The following APP variants were observed in gnomAD, a reference collection of about 807,000 sequenced individuals.
APP encodes amyloid beta precursor protein, also known as amyloid-beta precursor protein.
In APP, 31 loss-of-function variants were observed where a neutral mutation model predicts 101.4. The observed-to-expected ratio is 0.31, with a 90% CI of 0.23 to 0.41. APP has a LOEUF of 0.41. Among genes scored for constraint, APP ranks in the 10% least tolerant of loss-of-function variants. APP has a pLI of 1.00. For synonymous variants in APP, 366 were observed against 364.4 expected, an observed-to-expected ratio of 1.00 and a Z score of -0.05; for missense variants, 839 against 1,003.7, an observed-to-expected ratio of 0.84 and a Z score of 2.22.
intron 6 of APP, 119 bp downstream of exon 6, chr21:26,021,721 G>GAA: frequency 3.6e-6 from 5 of 1,374,932 alleles, no homozygotes; most frequent in South Asian, 1.4e-5. Context: ...AAGCCTTTTG[G>GAA]AAAAAAAAAC....
At chr21:26,095,627 G>A (rs975730794) in intron 2 of APP, among the ~76,000 whole-genome samples, 3 of 152,064 alleles carry the variant, frequency 2.0e-5, no homozygotes, top group South Asian at 2.1e-4. Context: ...CTAAGGTTTC[G>A]GGCATTCACT....
intron 2 of APP, among the ~76,000 whole-genome samples, chr21:26,101,456 C>A (rs1428602406): frequency 3.3e-5 from 5 of 152,158 alleles, no homozygotes; most frequent in Admixed American, 3.3e-4. Flanking sequence ...TCTTGTTTAA[C>A]TGACAATATG....
At chr21:25,973,164 C>A (rs1454092937) in intron 11 of APP, among the ~76,000 whole-genome samples, 12 of 146,704 alleles carry the variant, frequency 8.2e-5, no homozygotes, top group South Asian at 4.3e-4. Context: ...CTAATTAATC[C>A]AAAAAAAAAA....
At position 26,053,543 on chromosome 21, in the gene APP, G is replaced by C. The variant is rs2830027; in HGVS notation, c.356-195C>G. 106,588 of 505,892 alleles carry C rather than the reference G, an allele frequency of 0.21. 11,478 individuals carry two copies. Among genetic ancestry groups the C allele is most frequent in the South Asian group, 0.26 (10,819 of 41,602 alleles). 31.3% of individuals were successfully genotyped at this position (505,892 alleles called of 1,614,324 possible). The stretch of plus-strand genomic sequence containing the variant: ...GCAACTCCGTTTCTTGCCACTTCAA[G>C]TTTGATGGTTAAAATAATGCCTAAA... On this transcript the variant is annotated intron_variant, in intron 3 of 17. Coordinates refer to ENST00000346798, the MANE Select transcript of APP (RefSeq NM_000484.4).
chr21:25,901,506 G>C (rs1486226497), intron 15 of APP, among the ~76,000 whole-genome samples: 1 of 152,106 alleles, frequency 6.6e-6, no homozygotes. Context: ...AATAGTTCAT[G>C]TTTGTTTAGC....
chr21:26,101,362 G>A (rs1475800557), intron 2 of APP, among the ~76,000 whole-genome samples: 2 of 152,128 alleles, frequency 1.3e-5, no homozygotes, highest in African/African-American at 2.4e-5. Flanking sequence ...CTCCCAATGT[G>A]CTGGGATTAC....
chr21:26,127,904 T>C (rs1399076083), intron 1 of APP, among the ~76,000 whole-genome samples: 1 of 152,228 alleles, frequency 6.6e-6, no homozygotes, highest in Non-Finnish European at 1.5e-5. Flanking sequence ...ATGAGCACGT[T>C]CGTAAGACAT....
intron 3 of APP, among the ~76,000 whole-genome samples, chr21:26,082,119 C>G (rs914983381): frequency 6.6e-6 from 1 of 151,952 alleles, no homozygotes; most frequent in African/African-American, 2.4e-5. Flanking sequence ...CTCAGGAGGC[C>G]GAGGCAGGAG....
chr21:26,128,416 C>T (rs2062727314), intron 1 of APP, among the ~76,000 whole-genome samples: 1 of 152,094 alleles, frequency 6.6e-6, no homozygotes, highest in African/African-American at 2.4e-5. Context: ...TTTTTTGGTT[C>T]ATTTCTTTAG....
intron 5 of APP, among the ~76,000 whole-genome samples, chr21:26,040,870 GT>G (rs1483429727): frequency 6.6e-6 from 1 of 152,114 alleles, no homozygotes; most frequent in Non-Finnish European, 1.5e-5. Flanking sequence ...AAAAATTCAG[GT>G]GATCATGGCT....
At chr21:26,141,060 T>C (rs12482813) in intron 1 of APP, among the ~76,000 whole-genome samples, 7,792 of 152,326 alleles carry the variant, frequency 0.051, 311 homozygotes, top group South Asian at 0.096. Context: ...ATCTATCTCA[T>C]GGAGTCAGTG....
At chr21:26,052,260 T>G (rs1386974915) in intron 4 of APP, among the ~76,000 whole-genome samples, 2 of 152,200 alleles carry the variant, frequency 1.3e-5, no homozygotes, top group Non-Finnish European at 2.9e-5. Flanking sequence ...GTGGTTATCC[T>G]GTTGACTGTA....
chr21:26,071,826 C>T (rs1488068168), intron 3 of APP, among the ~76,000 whole-genome samples: 2 of 152,210 alleles, frequency 1.3e-5, no homozygotes, highest in Non-Finnish European at 2.9e-5. Context: ...GATCTTCATT[C>T]TCTAAGCTTC....
intron 1 of APP, among the ~76,000 whole-genome samples, chr21:26,125,673 C>T (rs908488084): frequency 6.6e-5 from 10 of 150,796 alleles, no homozygotes; most frequent in African/African-American, 9.8e-5. Context: ...TTTGTCCTGA[C>T]GGGGGTGGGG....
intron 3 of APP, among the ~76,000 whole-genome samples, chr21:26,064,954 A>G (rs918645068): frequency 4.6e-5 from 7 of 152,178 alleles, no homozygotes; most frequent in Non-Finnish European, 7.3e-5. Flanking sequence ...CCCGGGTTCA[A>G]GCAATTCTCC....
intron 11 of APP, among the ~76,000 whole-genome samples, chr21:25,960,042 G>A (rs1463271203): frequency 6.6e-6 from 1 of 152,172 alleles, no homozygotes; most frequent in African/African-American, 2.4e-5. Context: ...GAACTGGGAG[G>A]AAGAGAGTTT....
chr21:26,059,760 G>A (rs935373725), intron 3 of APP, among the ~76,000 whole-genome samples: 2 of 151,936 alleles, frequency 1.3e-5, no homozygotes, highest in Middle Eastern at 3.2e-3. Context: ...GCGTGGTGGT[G>A]CATGCCTGTA....
rs138424227 is a variant in APP, at chr21:25,948,139, C to G, written c.1687+6451G>C. 3.0e-3 allele frequency among the ~76,000 whole-genome samples: 448 copies of G among 150,082 alleles called. 1 individual carries two copies. The highest frequency in any genetic ancestry group is 0.011 in the African/African-American group (433 of 40,428). Reference sequence around the variant, plus strand: ...CTATGTTCTTATAAGAACAAAGTGACAGCTCTCTATTTGCTGTTATGATTT... The same window carrying G: ...CTATGTTCTTATAAGAACAAAGTGAGAGCTCTCTATTTGCTGTTATGATTT... On this transcript the variant is annotated intron_variant, in intron 13 of 17. Transcript: ENST00000346798.
At chr21:25,912,094 A>G (rs1450782356) in intron 13 of APP, 132 bp from the exon 14 acceptor site, 13 of 738,250 alleles carry the variant, frequency 1.8e-5, no homozygotes, top group Non-Finnish European at 3.2e-5. Context: ...TAGAGCCATG[A>G]CATAGGTACC....
Sources: allele counts gnomAD v4.1 joint callset (sites outside exome capture counted in the v4.1 genomes callset), GRCh38; gene constraint gnomAD v4.1.1; transcripts MANE v1.5; gene names NCBI Gene and HGNC (gene_info 2026-07-23, HGNC 2026-07-21).